Variants in DCLK3 observed in about 807,000 individuals in gnomAD.
DCLK3 encodes the protein serine/threonine-protein kinase DCLK3.
DCLK3 carries 30 observed loss-of-function variants against 46.4 expected under a neutral mutation model. The observed-to-expected ratio is 0.65, with a 90% CI of 0.48 to 0.88. The LOEUF (loss-of-function observed/expected upper bound fraction) is 0.88. Ranked by LOEUF, DCLK3 falls within the 40% of genes least tolerant of loss-of-function variation. DCLK3 has a pLI of 0.00. For missense variants in DCLK3, 846 were observed against 907.1 expected (o/e 0.93, Z 0.87); for synonymous variants, 401 against 339.2 (o/e 1.18, Z -2.00).
rs1397349271 is a variant in DCLK3, at chr3:36,764,374, C to G, written c.-111G>C. 6.7e-5 allele frequency: 12 copies of G among 179,968 alleles called. No individual in the cohort carries two copies. The highest frequency in any genetic ancestry group is 1.4e-4 in the Non-Finnish European group (12 of 86,866). The allele number at this position is 179,968 out of a possible 1,614,324, so 11.1% of individuals were successfully genotyped here. On this transcript the variant is annotated 5_prime_UTR_variant, in exon 1 of 5. Coordinates refer to ENST00000636136, the MANE Select transcript of DCLK3 (RefSeq NM_001394672.2). This position sits in a 1 kb window ranked among gnomAD's most constrained non-coding sequence, Gnocchi z 4.9. Reference sequence around the variant, plus strand: ...GGGGCGAGACGAGCAGCCACGAGCCCGCGCCGACTCTCCCTCTTCTCTCCC... The same window carrying G: ...GGGGCGAGACGAGCAGCCACGAGCCGGCGCCGACTCTCCCTCTTCTCTCCC...
rs373984062 is a variant in DCLK3, at chr3:36,737,654, G to T, written c.1513C>A (p.Arg505=). 6.2e-7 allele frequency: 1 copy of T among 1,613,724 alleles called. No individual in the cohort carries two copies. The highest frequency in any genetic ancestry group is 1.1e-5 in the South Asian group (1 of 90,922). Residue 505 remains arginine, a synonymous_variant, in exon 2 of 5, where the codon CGG becomes AGG. Coordinates refer to ENST00000636136, the MANE Select transcript of DCLK3 (RefSeq NM_001394672.2). The surrounding 1 kb of genome is among the most constrained non-coding windows in gnomAD (Gnocchi z 4.4). Reference sequence around the variant, plus strand: ...GGCCGTGGCTTCCGACCGCTGGGCCGCTCTGGCTTGTTCTCTTCTGGCCTC... The same window carrying T: ...GGCCGTGGCTTCCGACCGCTGGGCCTCTCTGGCTTGTTCTCTTCTGGCCTC... ...KTRPEENKPE[R]PSGRKPRPMG...
chr3:36,740,779 T>C (rs1701336315), intron 1 of DCLK3, among the ~76,000 whole-genome samples: 1 of 152,204 alleles, frequency 6.6e-6, no homozygotes, highest in African/African-American at 2.4e-5. Flanking sequence ...ATATGTCATA[T>C]CCTACATGGA....
At chr3:36,716,517 C>A (rs916852206) in intron 4 of DCLK3, among the ~76,000 whole-genome samples, 6 of 152,198 alleles carry the variant, frequency 3.9e-5, no homozygotes, top group African/African-American at 1.4e-4. Context: ...GGCTGGAAGG[C>A]CAGATTTAAG....
rs750455391 is a variant in DCLK3, at chr3:36,737,979, T to C, written c.1188A>G (p.Arg396=). Reference sequence around the variant, plus strand: ...CATGGCTTTCTTGATCCTCTGGGCCTCTGTCCTCTTTCTTGTCCATGCTCT... The same window carrying C: ...CATGGCTTTCTTGATCCTCTGGGCCCCTGTCCTCTTTCTTGTCCATGCTCT... ...PSKSMDKKED[R]GPEDQESHAQ... is the part of the protein sequence containing the mutation. Residue 396 remains arginine, a synonymous_variant, in exon 2 of 5, where the codon AGA becomes AGG. Transcript: ENST00000636136. This position sits in a 1 kb window ranked among gnomAD's most constrained non-coding sequence, Gnocchi z 4.4. 1.2e-6 allele frequency: 2 copies of C among 1,614,202 alleles called. No homozygotes were observed. The highest frequency in any genetic ancestry group is 1.7e-6 in the Non-Finnish European group (2 of 1,180,038).
At position 36,718,189 on chromosome 3, in the gene DCLK3, G is replaced by C; in HGVS notation, c.2093-12C>G. 1 of 1,613,628 alleles carries C rather than the reference G, an allele frequency of 6.2e-7. No homozygotes were observed. Among genetic ancestry groups the C allele is most frequent in the Non-Finnish European group, 8.5e-7 (1 of 1,179,970 alleles). On this transcript the variant is annotated splice_polypyrimidine_tract_variant and intron_variant, in intron 3 of 4. Transcript: ENST00000636136. Reference sequence around the variant, plus strand: ...CTCCAGTCCATAACCTGCGCAGACAGAGGCAGAGACACAAGCAAACCTGAG... The same window carrying C: ...CTCCAGTCCATAACCTGCGCAGACACAGGCAGAGACACAAGCAAACCTGAG...
intron 1 of DCLK3, among the ~76,000 whole-genome samples, chr3:36,754,173 G>A (rs1238342772): frequency 1.3e-5 from 2 of 152,184 alleles, no homozygotes; most frequent in African/African-American, 4.8e-5. Context: ...GTTCCCAGCA[G>A]CCAATGCATG....
chr3:36,745,590 T>C (rs1345085766), intron 1 of DCLK3, among the ~76,000 whole-genome samples: 5 of 152,232 alleles, frequency 3.3e-5, no homozygotes, highest in Admixed American at 2.6e-4. Context: ...TATTTTCCTT[T>C]TTATCAACTT....
rs185772784 is a variant in DCLK3 at position 36,743,016 on chromosome 3, A to T, written c.83-3932T>A. 3.5e-4 allele frequency among the ~76,000 whole-genome samples: 54 copies of T among 152,310 alleles called. 1 individual carries two copies. Among genetic ancestry groups the T allele is most frequent in the Admixed American group, 5.2e-4 (8 of 15,306 alleles). ...CAGCAACACCTTTACTTACAAAATC[A>T]GTAAAATGGAACCATATGAAATTGC... On this transcript the variant is annotated intron_variant, in intron 1 of 4. Transcript: ENST00000636136.
In DCLK3 at chr3:36,738,961, C is replaced by T. The variant is rs965720938; in HGVS notation, c.206G>A (p.Arg69His). ...GNLEKPFLGP[R>H]GPVVPLFCPR... ...GCAGAACAAGGGCACGACGGGGCCA[C>T]GCGGCCCCAGGAATGGTTTCTCCAG... Residue 69 changes from arginine (R) to histidine (H), a missense_variant, in exon 2 of 5, where the codon CGT becomes CAT. By Grantham distance (29) the Arg-to-His change is conservative. Around this residue, in one of 3 missense-constraint regions of DCLK3, gnomAD observed 553 missense variants for 543.0 expected, o/e 1.02. Coordinates refer to ENST00000636136, the MANE Select transcript of DCLK3 (RefSeq NM_001394672.2). The T allele has an allele frequency of 2.2e-5, 9 of 400,330 alleles. No individual in the cohort carries two copies. The highest frequency in any genetic ancestry group is 1.0e-4 in the African/African-American group (5 of 48,674). 24.8% of individuals were successfully genotyped at this position (400,330 alleles called of 1,614,324 possible).
chr3:36,713,080 C>T lies in DCLK3; in HGVS notation c.*2248G>A, dbSNP rs1038439425. On this transcript the variant is annotated 3_prime_UTR_variant, in exon 5 of 5. Transcript: ENST00000636136. ...GGAAGTTCCAGTCACTCTGCATCCTCGCTAGTAGTTGGTAAGGTCAGTCTT... is the reference window on the plus strand; with the variant it reads ...GGAAGTTCCAGTCACTCTGCATCCTTGCTAGTAGTTGGTAAGGTCAGTCTT... 28 of 152,202 alleles carry T rather than the reference C, an allele frequency of 1.8e-4. No homozygotes were observed. The highest frequency in any genetic ancestry group is 6.3e-4 in the African/African-American group (26 of 41,442). The allele number at this position is 152,202 out of a possible 1,614,324, so 9.4% of individuals were successfully genotyped here. A position where few individuals can be genotyped will look rare whatever the true frequency, so the allele number is the denominator to read the frequency against.
In DCLK3 at chr3:36,737,550, C is replaced by T; in HGVS notation, c.1617G>A (p.Val539=). Residue 539 remains valine (V), a synonymous_variant, in exon 2 of 5, where the codon GTG becomes GTA. Coordinates refer to ENST00000636136, the MANE Select transcript of DCLK3 (RefSeq NM_001394672.2). The surrounding 1 kb of genome is among the most constrained non-coding windows in gnomAD (Gnocchi z 4.4). The part of the protein sequence containing the change: ...RVIGDGNFAV[V]KECRHRETRQ... ...TGGTCTCGCGGTGTCTGCACTCCTT[C>T]ACGACAGCAAAGTTCCCATCCCCAA... 2 of 1,614,174 alleles carry T rather than the reference C, an allele frequency of 1.2e-6. No individual in the cohort carries two copies. The highest frequency in any genetic ancestry group is 1.7e-6 in the Non-Finnish European group (2 of 1,180,026).
At chr3:36,745,792 G>A (rs1186515038) in intron 1 of DCLK3, among the ~76,000 whole-genome samples, 1 of 152,182 alleles carries the variant, frequency 6.6e-6, no homozygotes, top group Non-Finnish European at 1.5e-5. Flanking sequence ...TTGCTCATAT[G>A]CAGAGATGAG....
At position 36,718,184 on chromosome 3, in the gene DCLK3, A is replaced by G; in HGVS notation, c.2093-7T>C. 1 of 1,613,714 alleles carries G rather than the reference A, an allele frequency of 6.2e-7. No homozygotes were observed. The highest frequency in any genetic ancestry group is 8.5e-7 in the Non-Finnish European group (1 of 1,179,980). On this transcript the variant is annotated splice_region_variant and splice_polypyrimidine_tract_variant and intron_variant, in intron 3 of 4. Transcript: ENST00000636136. Reference sequence around the variant, plus strand: ...TCCACCTCCAGTCCATAACCTGCGCAGACAGAGGCAGAGACACAAGCAAAC... The same window carrying G: ...TCCACCTCCAGTCCATAACCTGCGCGGACAGAGGCAGAGACACAAGCAAAC...
chr3:36,725,823 C>T (rs1359173335), intron 2 of DCLK3, among the ~76,000 whole-genome samples: 17 of 152,210 alleles, frequency 1.1e-4, no homozygotes, highest in Non-Finnish European at 1.5e-5. Flanking sequence ...CACCTTCACT[C>T]TGAATGAATA....
At chr3:36,719,006 AT>A (rs1701023989) in intron 3 of DCLK3, among the ~76,000 whole-genome samples, 1 of 152,168 alleles carries the variant, frequency 6.6e-6, no homozygotes, top group Admixed American at 6.5e-5. Flanking sequence ...TACCAAAAAT[AT>A]TTTTTACAAA....
rs1054020075 is a variant in DCLK3, at chr3:36,756,842, C to T, written c.82+7340G>A. On this transcript the variant is annotated intron_variant, in intron 1 of 4. Coordinates refer to ENST00000636136, the MANE Select transcript of DCLK3 (RefSeq NM_001394672.2). ...GCCATCCTCAAGTGGCATGTGGTGT[C>T]TGGGGGTGACAGGTATGCCTTCGCT... 1.3e-4 allele frequency among the ~76,000 whole-genome samples: 20 copies of T among 151,810 alleles called. No individual in the cohort carries two copies. In the East Asian group the frequency reaches 3.9e-3, roughly 30 times the overall value.
intron 1 of DCLK3, among the ~76,000 whole-genome samples, chr3:36,750,821 C>T (rs1329361372): frequency 1.3e-5 from 2 of 152,046 alleles, no homozygotes; most frequent in Non-Finnish European, 2.9e-5. Context: ...ATGACATGGA[C>T]AGATTTAGAG....
chr3:36,725,444 C>T (rs747529926), intron 2 of DCLK3, among the ~76,000 whole-genome samples: 6 of 152,104 alleles, frequency 3.9e-5, no homozygotes. Context: ...CGAGGAGACC[C>T]CACCTCTACA....
At position 36,737,421 on chromosome 3, in the gene DCLK3, GT is replaced by G; in HGVS notation, c.1745del (p.Asn582ThrfsTer3). On this transcript the variant is annotated frameshift_variant, in exon 2 of 5. Coordinates refer to ENST00000636136, the MANE Select transcript of DCLK3 (RefSeq NM_001394672.2). LOFTEE classifies it high-confidence loss of function. This position sits in a 1 kb window ranked among gnomAD's most constrained non-coding sequence, Gnocchi z 4.4. ...CGTAGACTTCATGCAATTTCACGAT[GT>G]TGGGGTGAGAGAGGCTCTGGATGAT... Reference protein sequence around the residue: ...ILIIQSLSHPNIVKLHEVYET... With the variant: ...ILIIQSLSHPXIVKLHEVYET... 1 of 1,614,212 alleles carries G rather than the reference GT, an allele frequency of 6.2e-7. No individual in the cohort carries two copies. The highest frequency in any genetic ancestry group is 1.7e-5 in the Admixed American group (1 of 60,026).
Sources: gnomAD v4.1 joint callset for allele counts (sites outside exome capture counted in the v4.1 genomes callset) on GRCh38, gnomAD v4.1.1 for gene constraint, gnomAD v4.1.1 regional missense constraint, Gnocchi (gnomAD v3.1) non-coding constraint, MANE v1.5 for transcripts, NCBI Gene and HGNC (gene_info 2026-07-23, HGNC 2026-07-21) for gene names.